The following UGT2B15 variants were observed in gnomAD, a reference collection of about 807,000 sequenced individuals.
The protein encoded by UGT2B15 is UDP-glucuronosyltransferase 2B15.
Under a neutral mutation model 45.9 loss-of-function variants are expected in UGT2B15, and 36 were observed. That is an observed-to-expected ratio of 0.78 (90% confidence interval 0.60 to 1.04). UGT2B15 has a LOEUF of 1.04. UGT2B15 is among the 50% of genes least tolerant of loss of function. UGT2B15 has a pLI of 0.00. For missense variants in UGT2B15, 617 were observed against 622.4 expected (o/e 0.99, Z 0.09); for synonymous variants, 219 against 216.4 (o/e 1.01, Z -0.11).
chr4:68,659,537 G>A (rs541485609), intron 3 of UGT2B15, among the ~76,000 whole-genome samples: 1 of 152,030 alleles, frequency 6.6e-6, no homozygotes, highest in Admixed American at 6.6e-5. Flanking sequence ...CTATAATTCT[G>A]ATATGACTTA....
At chr4:68,652,058 G>C (rs1194751894) in intron 5 of UGT2B15, among the ~76,000 whole-genome samples, 2 of 151,934 alleles carry the variant, frequency 1.3e-5, no homozygotes, top group African/African-American at 4.8e-5. Flanking sequence ...TTCAGCAGTG[G>C]TTTCTAGTCC....
intron 3 of UGT2B15, among the ~76,000 whole-genome samples, chr4:68,657,349 C>A (rs1193679323): frequency 6.6e-6 from 1 of 152,100 alleles, no homozygotes; most frequent in East Asian, 1.9e-4. Flanking sequence ...GATCACCCAG[C>A]ATTTTGAGCC....
rs967264517 is a variant in UGT2B15 at position 68,647,379 on chromosome 4, T to C, written c.1318A>G (p.Lys440Glu). 8 of 1,611,518 alleles carry C rather than the reference T, an allele frequency of 5.0e-6. No homozygotes were observed. Among genetic ancestry groups the C allele is most frequent in the Non-Finnish European group, 6.8e-6 (8 of 1,178,438 alleles). The change falls in exon 6 of 6, where the codon AAA becomes GAA. Residue 440 changes from lysine (K) to glutamate (E), a missense_variant. Transcript: ENST00000338206. ...LKSVINDPVY[K>E]ENVMKLSRIH... ...CTTGATAATTTCATGACATTCTCTT[T>C]ATAGCTGAAGGATAAATATAAAGAT...
At chr4:68,654,439 T>C (rs999772260) in intron 4 of UGT2B15, among the ~76,000 whole-genome samples, 183 bp from the exon 5 acceptor site, 1 of 144,116 alleles carries the variant, frequency 6.9e-6, no homozygotes, top group Non-Finnish European at 1.6e-5. Flanking sequence ...AAAAAGCATA[T>C]TCTTAATTAA....
chr4:68,670,053 A>G lies in UGT2B15; in HGVS notation c.566T>C (p.Leu189Pro). 1.2e-6 allele frequency: 2 copies of G among 1,614,128 alleles called. No homozygotes were observed. Among genetic ancestry groups the G allele is most frequent in the Non-Finnish European group, 1.7e-6 (2 of 1,179,984 alleles). The change falls in exon 1 of 6, where the codon CTG (leucine) becomes CCG (proline). Residue 189 changes from leucine to proline, a missense_variant. Around this residue, in one of 3 missense-constraint regions of UGT2B15, gnomAD observed 351 missense variants for 342.1 expected, o/e 1.03. Transcript: ENST00000338206. ...AACAGGTACATAGGAAGGAGGGAAC[A>G]GAAATCCTCCACCATTCTTCTCAAA... ...YTFEKNGGGF[L>P]FPPSYVPVVM...
rs1040438069 is a variant in UGT2B15, at chr4:68,646,789, T to G, written c.*315A>C. On this transcript the variant is annotated 3_prime_UTR_variant, in exon 6 of 6. Coordinates refer to ENST00000338206, the MANE Select transcript of UGT2B15 (RefSeq NM_001076.4). ...AGTTTTAGGGTACATGTGCACAACG[T>G]GCAGGTTAGCTACATATGTATACAT... is the stretch of plus-strand genomic sequence containing the variant. 1.4e-5 allele frequency: 3 copies of G among 220,604 alleles called. No homozygotes were observed. Among genetic ancestry groups the G allele is most frequent in the African/African-American group, 6.8e-5 (3 of 43,938 alleles). The allele number at this position is 220,604 out of a possible 1,614,324, so 13.7% of individuals were successfully genotyped here.
At chr4:68,655,004 T>A (rs1023620304) in intron 4 of UGT2B15, 91 bp downstream of exon 4, 19 of 1,441,642 alleles carry the variant, frequency 1.3e-5, no homozygotes, top group Non-Finnish European at 1.8e-5. Context: ...TTTCCAATAA[T>A]AAATGCTAAA....
At position 68,670,644 on chromosome 4, in the gene UGT2B15, C is replaced by T. The variant is rs770130346; in HGVS notation, c.-26G>A. On this transcript the variant is annotated 5_prime_UTR_variant, in exon 1 of 6. Coordinates refer to ENST00000338206, the MANE Select transcript of UGT2B15 (RefSeq NM_001076.4). ...CCTGGTCTTATGCAATGCTTCTTTT[C>T]CAGTTGTTGTTTCTTTCTGTCATTT... 2 of 1,525,898 alleles carry T rather than the reference C, an allele frequency of 1.3e-6. No individual in the cohort carries two copies. Among genetic ancestry groups the T allele is most frequent in the South Asian group, 1.4e-5 (1 of 73,960 alleles). The allele number at this position is 1,525,898 out of a possible 1,614,324, so 94.5% of individuals were successfully genotyped here.
chr4:68,657,802 T>C (rs1207473515), intron 3 of UGT2B15, among the ~76,000 whole-genome samples: 7 of 152,130 alleles, frequency 4.6e-5, no homozygotes, highest in African/African-American at 1.7e-4. Flanking sequence ...GGTTTTTGTC[T>C]GCAAGCTGGT....
chr4:68,667,471 T>G (rs146966517), intron 2 of UGT2B15, among the ~76,000 whole-genome samples: 4,115 of 152,218 alleles, frequency 0.027, 137 homozygotes, highest in Non-Finnish European at 0.033. Context: ...CCACCTTGCC[T>G]GGCCTCTGGT....
intron 3 of UGT2B15, among the ~76,000 whole-genome samples, chr4:68,658,114 G>T (rs1279179543): frequency 6.6e-6 from 1 of 151,958 alleles, no homozygotes; most frequent in Non-Finnish European, 1.5e-5. Flanking sequence ...ATTGAAACAG[G>T]TTATCAAGAA....
At chr4:68,654,705 G>A (rs900249456) in intron 4 of UGT2B15, among the ~76,000 whole-genome samples, 1 of 151,934 alleles carries the variant, frequency 6.6e-6, no homozygotes, top group Non-Finnish European at 1.5e-5. Flanking sequence ...CCCATAAAAA[G>A]TAGAGTCACT....
intron 3 of UGT2B15, among the ~76,000 whole-genome samples, chr4:68,658,246 T>C (rs1732868127): frequency 6.6e-6 from 1 of 151,988 alleles, no homozygotes; most frequent in Non-Finnish European, 1.5e-5. Flanking sequence ...ACTGAAAATA[T>C]ATAAAAGAGC....
chr4:68,663,922 A>G (rs1038296047), intron 2 of UGT2B15, among the ~76,000 whole-genome samples: 6 of 152,096 alleles, frequency 3.9e-5, no homozygotes, highest in Admixed American at 3.9e-4. Flanking sequence ...AAGTGATCTT[A>G]TTTCTCAGGT....
Position 68,663,581 on chromosome 4 carries a change from G to A in UGT2B15, c.874-442C>T, listed in dbSNP as rs957669967. On this transcript the variant is annotated intron_variant, in intron 2 of 5. Transcript: ENST00000338206. Reference sequence around the variant, plus strand: ...GTTTTATTTTATTTTATTTTTTTCTGTTCAGTTCTTTTAGTTAGGAGTCAT... The same window carrying A: ...GTTTTATTTTATTTTATTTTTTTCTATTCAGTTCTTTTAGTTAGGAGTCAT... Among the ~76,000 whole-genome samples, 6 of 151,360 alleles carry A rather than the reference G, an allele frequency of 4.0e-5. No homozygotes were observed. In the East Asian group the frequency reaches 1.2e-3, roughly 29 times the overall value.
At chr4:68,649,811 C>T (rs1412054518) in intron 5 of UGT2B15, among the ~76,000 whole-genome samples, 1 of 151,330 alleles carries the variant, frequency 6.6e-6, no homozygotes, top group South Asian at 2.1e-4. Flanking sequence ...AATGTGAGTA[C>T]TGGTAGGTTC....
chr4:68,669,594 T>C (rs966892749), intron 1 of UGT2B15, among the ~76,000 whole-genome samples: 1 of 152,164 alleles, frequency 6.6e-6, no homozygotes, highest in African/African-American at 2.4e-5. Context: ...CTATTGACTT[T>C]TTTTAAAGAT....
At chr4:68,663,711 C>A (rs1304502595) in intron 2 of UGT2B15, among the ~76,000 whole-genome samples, 5 of 151,908 alleles carry the variant, frequency 3.3e-5, no homozygotes, top group Admixed American at 3.3e-4. Flanking sequence ...CTTTATATTT[C>A]ACTTAAAGTT....
At position 68,647,066 on chromosome 4, in the gene UGT2B15, C is replaced by G. The variant is rs756387076; in HGVS notation, c.*38G>C. On this transcript the variant is annotated 3_prime_UTR_variant, in exon 6 of 6. Coordinates refer to ENST00000338206, the MANE Select transcript of UGT2B15 (RefSeq NM_001076.4). ...TCCATGCTGAAATAAAGGAGGAGTC[C>G]CATCTTTCAGTCATTCCACTTCAGG... 1.3e-6 allele frequency: 2 copies of G among 1,579,888 alleles called. No homozygotes were observed. The highest frequency in any genetic ancestry group is 1.7e-6 in the Non-Finnish European group (2 of 1,161,556).
Sources: gnomAD v4.1 joint callset for allele counts (sites outside exome capture counted in the v4.1 genomes callset) on GRCh38, gnomAD v4.1.1 for gene constraint, gnomAD v4.1.1 regional missense constraint, MANE v1.5 for transcripts, NCBI Gene and HGNC (gene_info 2026-07-23, HGNC 2026-07-21) for gene names.